Variants in INO80 observed in about 807,000 individuals in gnomAD.
The protein encoded by INO80 is INO80 complex ATPase subunit, also known as chromatin-remodeling ATPase INO80.
Under a neutral mutation model 203.4 loss-of-function variants are expected in INO80, and 20 were observed. That is an observed-to-expected ratio of 0.10 (90% CI 0.07 to 0.14). The LOEUF is 0.14. Ranked by LOEUF, INO80 falls within the 10% of genes least tolerant of loss-of-function variation. INO80 has a pLI of 1.00. For missense variants in INO80, 1,419 were observed against 1,914.4 expected, an observed-to-expected ratio of 0.74 and a Z score of 4.83; for synonymous variants, 726 against 685.2, an observed-to-expected ratio of 1.06 and a Z score of -0.93.
intron 25 of INO80, 105 bp downstream of exon 25, chr15:41,027,491 G>C: frequency 1.0e-6 from 1 of 992,256 alleles, no homozygotes; most frequent in South Asian, 1.9e-5. Flanking sequence ...GTTTCTTAAA[G>C]TCCAAATAGT....
At chr15:41,083,198 T>C (rs1482305066) in intron 7 of INO80, among the ~76,000 whole-genome samples, 1 of 143,574 alleles carries the variant, frequency 7.0e-6, no homozygotes, top group African/African-American at 2.6e-5. Context: ...AGGAGGAGAA[T>C]GGCGTGAACC....
intron 1 of INO80, among the ~76,000 whole-genome samples, chr15:41,114,276 A>AC (rs563886356): frequency 1.2e-4 from 16 of 129,430 alleles, no homozygotes; most frequent in East Asian, 7.8e-4. Flanking sequence ...CAAAAAACAA[A>AC]AAAAAAAAAA....
At chr15:41,095,543 A>G (rs1596324502) in intron 4 of INO80, 58 bp downstream of exon 4, 1 of 1,193,712 alleles carries the variant, frequency 8.4e-7, no homozygotes, top group East Asian at 2.3e-5. Flanking sequence ...TAACTTTCCC[A>G]TCTATTAGTA....
intron 24 of INO80, among the ~76,000 whole-genome samples, chr15:41,039,553 G>A (rs940744868): frequency 2.0e-5 from 3 of 152,108 alleles, no homozygotes; most frequent in South Asian, 2.1e-4. Flanking sequence ...CATTAATTAC[G>A]TATGTTTCTC....
Position 41,069,602 on chromosome 15 carries a change from G to C in INO80, c.1750C>G (p.Gln584Glu). The C allele has an allele frequency of 6.2e-7, 1 of 1,608,376 alleles. No individual in the cohort carries two copies. The change falls in exon 14 of 36, where the codon CAG (glutamine) becomes GAG (glutamate). Residue 584 changes from glutamine to glutamate, a missense_variant. By Grantham distance (29) the Gln-to-Glu change is conservative (BLOSUM62 2). Around this residue, in one of 9 missense-constraint regions of INO80, gnomAD observed 192 missense variants for 406.7 expected, o/e 0.47. Coordinates refer to ENST00000648947, the MANE Select transcript of INO80 (RefSeq NM_017553.3). ...TTAGGAACAAATCTAGTAAACTCCT[G>C]GTGCCAATTGTTAAGTGTAGACGCA... ...SPASTLNNWH[Q>E]EFTRFVPKFK...
At chr15:40,986,759 G>A (rs1229838184) in intron 31 of INO80, among the ~76,000 whole-genome samples, 2 of 152,094 alleles carry the variant, frequency 1.3e-5, no homozygotes, top group Admixed American at 6.6e-5. Flanking sequence ...CCAAAGTGCT[G>A]GAATTACAGG....
intron 24 of INO80, among the ~76,000 whole-genome samples, chr15:41,028,118 G>A (rs745909143): frequency 6.6e-6 from 1 of 151,990 alleles, no homozygotes; most frequent in Non-Finnish European, 1.5e-5. Context: ...AAACAATGAT[G>A]ACCAACACAA....
chr15:41,042,741 TG>T (rs1315964352), intron 24 of INO80, among the ~76,000 whole-genome samples: 1 of 152,234 alleles, frequency 6.6e-6, no homozygotes, highest in Non-Finnish European at 1.5e-5. Flanking sequence ...CAAAAAGTGC[TG>T]GGATTACAGG....
intron 27 of INO80, among the ~76,000 whole-genome samples, chr15:41,014,809 A>G (rs2044179961): frequency 6.6e-6 from 1 of 152,202 alleles, no homozygotes; most frequent in Admixed American, 6.5e-5. Flanking sequence ...TGGCTTCCAA[A>G]AAGCCTGAAA....
In INO80 at chr15:40,985,352, T is replaced by C. The variant is rs1566898864; in HGVS notation, c.3907A>G (p.Lys1303Glu). 1 of 1,613,866 alleles carries C rather than the reference T, an allele frequency of 6.2e-7. No homozygotes were observed. Among genetic ancestry groups the C allele is most frequent in the Non-Finnish European group, 8.5e-7 (1 of 1,179,790 alleles). Residue 1303 changes from lysine (K) to glutamate (E), a missense_variant, in exon 32 of 36, where the codon AAG becomes GAG. Physicochemically the swap from Lys to Glu is moderately conservative, Grantham distance 56. Transcript: ENST00000648947. ...GCTGGAAATACCTTCTCTGCATACT[T>C]TTCCCGCTTCCGCTTGCGCTCTTTC... is the stretch of plus-strand genomic sequence containing the variant. ...RVKERKRKRE[K>E]YAEKKKKEDE... is the part of the protein sequence containing the mutation.
chr15:41,015,839 C>T (rs1402373627), intron 27 of INO80, among the ~76,000 whole-genome samples: 3 of 146,044 alleles, frequency 2.1e-5, no homozygotes, highest in Non-Finnish European at 3.0e-5. Flanking sequence ...CCCAGCTACT[C>T]GGGAGACTGG....
At chr15:41,000,031 G>C (rs1379692078) in intron 28 of INO80, among the ~76,000 whole-genome samples, 1 of 152,070 alleles carries the variant, frequency 6.6e-6, no homozygotes, top group Non-Finnish European at 1.5e-5. Context: ...CCGAGTCCAA[G>C]GATACAGTGA....
At chr15:41,097,019 G>T (rs1158515062) in intron 1 of INO80, among the ~76,000 whole-genome samples, 1 of 151,086 alleles carries the variant, frequency 6.6e-6, no homozygotes, top group African/African-American at 2.5e-5. Flanking sequence ...ATTAGGGTCA[G>T]AACATCTTCA....
intron 5 of INO80, among the ~76,000 whole-genome samples, chr15:41,090,061 A>G (rs2045612458): frequency 6.6e-6 from 1 of 152,252 alleles, no homozygotes; most frequent in South Asian, 2.1e-4. Context: ...ATAGCCAAAA[A>G]GTAGAAATAT....
At chr15:41,108,873 T>C (rs1421919053) in intron 1 of INO80, 3 of 152,636 alleles carry the variant, frequency 2.0e-5, no homozygotes, top group African/African-American at 7.2e-5. Flanking sequence ...ATAAGGGTGA[T>C]GTTGAAAAAC....
intron 9 of INO80, among the ~76,000 whole-genome samples, chr15:41,077,019 T>G: frequency 6.6e-6 from 1 of 152,090 alleles, no homozygotes; most frequent in East Asian, 1.9e-4. Context: ...GCGATTCTGC[T>G]GTCTCAGCCT....
intron 27 of INO80, among the ~76,000 whole-genome samples, chr15:41,015,774 TAAAAAAAAAA>T (rs999539137): frequency 1.1e-5 from 1 of 93,116 alleles, no homozygotes; most frequent in Admixed American, 1.2e-4. Flanking sequence ...CATCTCTACT[TAAAAAAAAAA>T]AAAAAAAAAA....
intron 24 of INO80, among the ~76,000 whole-genome samples, chr15:41,042,285 A>C (rs2044681413): frequency 6.6e-6 from 1 of 152,048 alleles, no homozygotes; most frequent in Admixed American, 6.6e-5. Flanking sequence ...AAGTGCTGGG[A>C]TTACAAGGGT....
intron 1 of INO80, among the ~76,000 whole-genome samples, chr15:41,103,112 T>C (rs901186650): frequency 6.6e-6 from 1 of 152,186 alleles, no homozygotes; most frequent in Non-Finnish European, 1.5e-5. Flanking sequence ...GTCTTTCCTA[T>C]TTATATAACA....
Sources: gnomAD v4.1 joint callset for allele counts (sites outside exome capture counted in the v4.1 genomes callset) on GRCh38, gnomAD v4.1.1 for gene constraint, gnomAD v4.1.1 regional missense constraint, MANE v1.5 for transcripts, NCBI Gene and HGNC (gene_info 2026-07-23, HGNC 2026-07-21) for gene names.